Variants in EXOC4 observed in about 807,000 individuals in gnomAD.
EXOC4 encodes SEC8-like 1.
In EXOC4, 71 loss-of-function variants were observed where a neutral mutation model predicts 107.2. That is an observed-to-expected ratio of 0.66 (90% CI 0.55 to 0.81). EXOC4 has a LOEUF of 0.81. Ranked by LOEUF, EXOC4 falls within the 30% of genes least tolerant of loss-of-function variation. The pLI, the probability that EXOC4 is intolerant of heterozygous loss-of-function variation, is 0.00. For missense variants in EXOC4, 1,108 were observed against 1,189.6 expected (o/e 0.93, Z 1.01); for synonymous variants, 456 against 441.2 (o/e 1.03, Z -0.42).
intron 1 of EXOC4, among the ~76,000 whole-genome samples, chr7:133,257,405 C>G (rs974563935): frequency 6.6e-6 from 1 of 152,100 alleles, no homozygotes; most frequent in Non-Finnish European, 1.5e-5. Context: ...CACAATTTTT[C>G]TACTTTTCTG....
intron 1 of EXOC4, among the ~76,000 whole-genome samples, chr7:133,265,551 G>C (rs372796700): frequency 1.3e-5 from 2 of 152,156 alleles, no homozygotes; most frequent in African/African-American, 4.8e-5. Context: ...ACTTTTAAGA[G>C]GGGTCACTGA....
chr7:134,000,680 G>A (rs547469799), intron 15 of EXOC4, among the ~76,000 whole-genome samples: 1 of 152,220 alleles, frequency 6.6e-6, no homozygotes, highest in African/African-American at 2.4e-5. Context: ...ATCAACTAAT[G>A]TTTGTTTTGT....
chr7:133,440,523 G>T (rs1798079919), intron 7 of EXOC4, among the ~76,000 whole-genome samples: 1 of 152,152 alleles, frequency 6.6e-6, no homozygotes, highest in Non-Finnish European at 1.5e-5. Context: ...GTAAAATAAG[G>T]CTCAGACTTA....
chr7:134,033,643 C>T (rs1365592913), intron 17 of EXOC4, among the ~76,000 whole-genome samples: 2 of 152,124 alleles, frequency 1.3e-5, no homozygotes, highest in Non-Finnish European at 1.5e-5. Context: ...AGTAAAAATG[C>T]TTTTCTAGAA....
At chr7:133,995,222 A>C (rs1794359923) in intron 14 of EXOC4, among the ~76,000 whole-genome samples, 1 of 152,208 alleles carries the variant, frequency 6.6e-6, no homozygotes, top group South Asian at 2.1e-4. Context: ...GCCACATGAT[A>C]AAATAATGTA....
intron 6 of EXOC4, among the ~76,000 whole-genome samples, chr7:133,370,487 G>A (rs1314501148): frequency 6.6e-6 from 1 of 152,054 alleles, no homozygotes; most frequent in Non-Finnish European, 1.5e-5. Context: ...CTTTCCAAAG[G>A]AAGCAATCAG....
intron 11 of EXOC4, among the ~76,000 whole-genome samples, chr7:133,883,603 A>G (rs985994436): frequency 2.6e-5 from 4 of 152,036 alleles, no homozygotes; most frequent in Non-Finnish European, 5.9e-5. Flanking sequence ...TGATCACACT[A>G]CTGCACTCCA....
rs1251802924 is a variant in EXOC4 at position 133,933,600 on chromosome 7, T to A, written c.2028-4291T>A. 2.0e-5 allele frequency among the ~76,000 whole-genome samples: 3 copies of A among 152,178 alleles called. 1 individual carries two copies. Among genetic ancestry groups the A allele is most frequent in the Non-Finnish European group, 2.9e-5 (2 of 68,030 alleles). On this transcript the variant is annotated intron_variant, in intron 13 of 17. Transcript: ENST00000253861. ...ATCATAATAAGCAGAAGATGAAGGG[T>A]ACATAAAAATTCAGGCCTAGAAAGT...
At chr7:133,487,585 T>G (rs1423831201) in intron 9 of EXOC4, among the ~76,000 whole-genome samples, 3 of 152,128 alleles carry the variant, frequency 2.0e-5, no homozygotes, top group Non-Finnish European at 4.4e-5. Flanking sequence ...GGTATGTACC[T>G]GTAGTCCTAG....
intron 9 of EXOC4, among the ~76,000 whole-genome samples, chr7:133,530,905 T>C (rs946206929): frequency 3.9e-5 from 6 of 152,186 alleles, no homozygotes; most frequent in Admixed American, 1.3e-4. Flanking sequence ...TCATATGGTT[T>C]GGCAAATTAA....
intron 11 of EXOC4, among the ~76,000 whole-genome samples, chr7:133,859,093 C>T (rs932593137): frequency 2.6e-5 from 4 of 152,142 alleles, no homozygotes; most frequent in Non-Finnish European, 5.9e-5. Flanking sequence ...TTTCTCTTTT[C>T]GGTTGAGTTA....
chr7:133,632,724 GA>G (rs1448416465), intron 10 of EXOC4, among the ~76,000 whole-genome samples: 1 of 151,760 alleles, frequency 6.6e-6, no homozygotes, highest in Non-Finnish European at 1.5e-5. Context: ...GAATACTTAT[GA>G]TGCATATTTT....
chr7:133,428,080 G>A (rs1797768738), intron 7 of EXOC4, among the ~76,000 whole-genome samples: 1 of 152,168 alleles, frequency 6.6e-6, no homozygotes, highest in Non-Finnish European at 1.5e-5. Flanking sequence ...CCAGCCTAAT[G>A]GAAGCTTAAA....
intron 10 of EXOC4, among the ~76,000 whole-genome samples, chr7:133,775,634 G>C (rs1204401563): frequency 6.6e-6 from 1 of 152,124 alleles, no homozygotes; most frequent in Non-Finnish European, 1.5e-5. Context: ...TAAGTACAGA[G>C]GGAGAACTGT....
chr7:133,794,007 A>C (rs75801073), intron 10 of EXOC4, among the ~76,000 whole-genome samples: 2,950 of 152,204 alleles, frequency 0.019, 93 homozygotes, highest in African/African-American at 0.066. Flanking sequence ...AAGAACAATA[A>C]AAATGTCCCC....
chr7:133,538,880 A>G (rs186506826), intron 9 of EXOC4, among the ~76,000 whole-genome samples: 20 of 102,418 alleles, frequency 2.0e-4, no homozygotes, highest in African/African-American at 5.5e-4. Context: ...AGAGAGAGAG[A>G]GAGGGAGGGA....
At chr7:133,836,963 ATGTC>A (rs1471570314) in intron 11 of EXOC4, among the ~76,000 whole-genome samples, 1 of 152,176 alleles carries the variant, frequency 6.6e-6, no homozygotes, top group Non-Finnish European at 1.5e-5. Flanking sequence ...AGGTTGTAAA[ATGTC>A]TGTTACACTC....
At chr7:133,394,460 A>G (rs1275314880) in intron 7 of EXOC4, among the ~76,000 whole-genome samples, 5 of 152,144 alleles carry the variant, frequency 3.3e-5, no homozygotes, top group African/African-American at 1.2e-4. Context: ...AGCTTCTATT[A>G]TGTAATTCTT....
intron 10 of EXOC4, among the ~76,000 whole-genome samples, chr7:133,691,749 A>T (rs1794425819): frequency 6.6e-6 from 1 of 152,192 alleles, no homozygotes; most frequent in Non-Finnish European, 1.5e-5. Context: ...CACTTTGAGA[A>T]GGTTCAGCCA....
Sources: gnomAD v4.1 joint callset for allele counts (sites outside exome capture counted in the v4.1 genomes callset) on GRCh38, gnomAD v4.1.1 for gene constraint, MANE v1.5 for transcripts, NCBI Gene and HGNC (gene_info 2026-07-23, HGNC 2026-07-21) for gene names.